FRMPD4: variants seen among roughly 807,000 people sequenced by gnomAD.
FRMPD4 encodes FERM and PDZ domain-containing protein 4.
Under a neutral mutation model 94.1 loss-of-function variants are expected in FRMPD4, and 22 were observed. The ratio of observed to expected loss-of-function variants is 0.23; its 90% CI spans 0.17 to 0.33. The LOEUF is 0.33. Ranked by LOEUF, FRMPD4 falls within the 10% of genes least tolerant of loss-of-function variation. FRMPD4 has a pLI of 1.00. For synonymous variants in FRMPD4, 631 were observed against 548.6 expected (o/e 1.15, Z -2.10); for missense variants, 1,111 against 1,339.9 (o/e 0.83, Z 2.67).
At chrX:12,424,385 T>G (rs1458841467) in intron 1 of FRMPD4, among the ~76,000 whole-genome samples, 1 of 112,948 alleles carries the variant, frequency 8.9e-6, no homozygotes, top group Non-Finnish European at 1.9e-5. Flanking sequence ...GACTTCATTT[T>G]AAGACTTTTT....
chrX:12,398,875 A>G, intron 1 of FRMPD4, among the ~76,000 whole-genome samples: 1 of 111,801 alleles, frequency 8.9e-6, no homozygotes, highest in East Asian at 2.8e-4. Flanking sequence ...CATTCATGGC[A>G]TGAATGTTCT....
intron 3 of FRMPD4, among the ~76,000 whole-genome samples, chrX:11,916,814 T>C (rs2054027234): frequency 9.0e-6 from 1 of 111,706 alleles, no homozygotes; most frequent in African/African-American, 3.3e-5. Context: ...CACTGTCATG[T>C]GCCTTTTTGT....
chrX:12,403,478 C>G (rs5935329), intron 1 of FRMPD4, among the ~76,000 whole-genome samples: 40,477 of 109,445 alleles, frequency 0.37, 6,773 homozygotes, highest in African/African-American at 0.62. Flanking sequence ...CCATCACCCT[C>G]ATTTGGTTTT....
chrX:12,542,088 T>G (rs2058420540), intron 2 of FRMPD4, among the ~76,000 whole-genome samples: 1 of 112,140 alleles, frequency 8.9e-6, no homozygotes, highest in African/African-American at 3.2e-5. Flanking sequence ...GGAACATATC[T>G]AAAAATAATA....
At chrX:12,306,957 C>T (rs1326798897) in intron 1 of FRMPD4, among the ~76,000 whole-genome samples, 1 of 111,974 alleles carries the variant, frequency 8.9e-6, no homozygotes, top group Admixed American at 9.5e-5. Context: ...CAGAAGAAGG[C>T]GTTCAGGGCC....
intron 1 of FRMPD4, among the ~76,000 whole-genome samples, chrX:12,353,290 G>A (rs772305599): frequency 1.9e-3 from 214 of 112,181 alleles, no homozygotes; most frequent in African/African-American, 6.6e-3. Context: ...AGAACAGCTC[G>A]AGCCGATTCT....
chrX:11,886,364 G>C (rs2053845160), intron 3 of FRMPD4, among the ~76,000 whole-genome samples: 1 of 111,476 alleles, frequency 9.0e-6, no homozygotes, highest in South Asian at 3.8e-4. Context: ...GATCGATTTA[G>C]ACAAACCATT....
chrX:12,299,293 AAGGAGGAGGAGG>A (rs60479551), intron 1 of FRMPD4, among the ~76,000 whole-genome samples: 1 of 109,014 alleles, frequency 9.2e-6, no homozygotes, highest in African/African-American at 3.4e-5. Flanking sequence ...GGAGGAGGTA[AAGGAGGAGGAGG>A]AGGAGGAGGA....
In FRMPD4 at chrX:11,895,453, T is replaced by A. The variant is rs1389115089; in HGVS notation, c.95+17435T>A. Among the ~76,000 whole-genome samples the A allele has an allele frequency of 4.5e-5, 5 of 111,162 alleles. No individual in the cohort carries two copies. In the East Asian group the frequency reaches 1.4e-3, roughly 31 times the overall value. The stretch of plus-strand genomic sequence containing the variant: ...GAAGAGTGAATGATGGAGCCAATCA[T>A]TACTCTGGTAAACAGGGAGCACTTG... On this transcript the variant is annotated intron_variant, in intron 3 of 18. Transcript: ENST00000640291.
intron 1 of FRMPD4, among the ~76,000 whole-genome samples, chrX:12,265,289 T>G (rs777552777): frequency 8.9e-6 from 1 of 112,509 alleles, no homozygotes; most frequent in South Asian, 3.7e-4. Context: ...CAGATTTTGA[T>G]GCTGCGGTTT....
chrX:12,241,438 A>G (rs757476171), intron 1 of FRMPD4, among the ~76,000 whole-genome samples: 27 of 112,152 alleles, frequency 2.4e-4, no homozygotes, highest in Non-Finnish European at 4.7e-4. Context: ...CCAAACCCCA[A>G]TATTCGAGAT....
intron 1 of FRMPD4, among the ~76,000 whole-genome samples, chrX:12,415,391 C>A (rs1201451085): frequency 1.8e-5 from 2 of 111,298 alleles, no homozygotes; most frequent in Non-Finnish European, 3.8e-5. Context: ...ATCCTCTCCT[C>A]CCCAGTTGGA....
chrX:12,164,618 G>C (rs1287320212), intron 1 of FRMPD4, among the ~76,000 whole-genome samples: 1 of 112,039 alleles, frequency 8.9e-6, no homozygotes, highest in Admixed American at 9.4e-5. Context: ...CTGAGGAATC[G>C]CCACACTGAC....
chrX:12,635,675 G>C (rs1400751942), intron 4 of FRMPD4, among the ~76,000 whole-genome samples: 1 of 111,582 alleles, frequency 9.0e-6, no homozygotes, highest in African/African-American at 3.3e-5. Context: ...ATTTTCAGCA[G>C]CTGAGAGTGG....
chrX:11,910,804 G>T (rs2053992860), intron 3 of FRMPD4, among the ~76,000 whole-genome samples: 1 of 111,501 alleles, frequency 9.0e-6, no homozygotes, highest in Admixed American at 9.5e-5. Context: ...AGATATACCT[G>T]GTAGAACATA....
At chrX:12,316,126 A>G (rs2055110402) in intron 1 of FRMPD4, among the ~76,000 whole-genome samples, 1 of 111,674 alleles carries the variant, frequency 9.0e-6, no homozygotes, top group Admixed American at 9.5e-5. Flanking sequence ...AATTGTTATA[A>G]TGTGTGTCCA....
At chrX:12,509,770 G>T (rs948174210) in intron 2 of FRMPD4, among the ~76,000 whole-genome samples, 1 of 111,685 alleles carries the variant, frequency 9.0e-6, no homozygotes, top group African/African-American at 3.3e-5. Context: ...AGGCATTTAG[G>T]TAAAGCCTTT....
intron 3 of FRMPD4, among the ~76,000 whole-genome samples, chrX:12,111,864 A>G (rs867753625): frequency 8.5e-4 from 95 of 111,321 alleles, no homozygotes; most frequent in Middle Eastern, 4.6e-3. Context: ...AAACCACAAT[A>G]AGATACCATC....
At chrX:12,514,725 A>G (rs1320450077) in intron 2 of FRMPD4, among the ~76,000 whole-genome samples, 8 of 112,147 alleles carry the variant, frequency 7.1e-5, no homozygotes, top group Non-Finnish European at 1.3e-4. Flanking sequence ...TGCTGGCCTC[A>G]TAAAATGAGT....
Sources: gnomAD v4.1 joint callset for allele counts (sites outside exome capture counted in the v4.1 genomes callset) on GRCh38, gnomAD v4.1.1 for gene constraint, MANE v1.5 for transcripts, NCBI Gene and HGNC (gene_info 2026-07-23, HGNC 2026-07-21) for gene names.